CEP70: variants seen among roughly 807,000 people sequenced by gnomAD.
CEP70 encodes the protein centrosomal protein of 70 kDa.
Under a neutral mutation model 90.9 loss-of-function variants are expected in CEP70, and 70 were observed. The ratio of observed to expected loss-of-function variants is 0.77; its 90% CI spans 0.64 to 0.94. The LOEUF (loss-of-function observed/expected upper bound fraction) is 0.94. Ranked by LOEUF, CEP70 falls within the 40% of genes least tolerant of loss-of-function variation. The pLI, the probability that CEP70 is intolerant of heterozygous loss-of-function variation, is 0.00. For missense variants in CEP70, 648 were observed against 669.0 expected (o/e 0.97, Z 0.35); for synonymous variants, 220 against 228.3 (o/e 0.96, Z 0.33).
intron 7 of CEP70, among the ~76,000 whole-genome samples, chr3:138,536,675 G>T (rs1296590445): frequency 6.6e-6 from 1 of 151,188 alleles, no homozygotes; most frequent in African/African-American, 2.4e-5. Context: ...ATGATTTTCA[G>T]TAGGAAAGAC....
chr3:138,592,351 C>T (rs760026260), intron 1 of CEP70, among the ~76,000 whole-genome samples: 6 of 152,152 alleles, frequency 3.9e-5, no homozygotes, highest in Non-Finnish European at 7.3e-5. Context: ...GCACCTGTGA[C>T]CAAGCCCTCC....
chr3:138,520,751 C>T (rs866039388), intron 11 of CEP70, among the ~76,000 whole-genome samples: 2 of 152,178 alleles, frequency 1.3e-5, no homozygotes, highest in Non-Finnish European at 2.9e-5. Flanking sequence ...AAAATTGACA[C>T]CTTAACATCA....
intron 6 of CEP70, among the ~76,000 whole-genome samples, chr3:138,540,112 G>GA (rs1313744597): frequency 2.0e-5 from 3 of 152,000 alleles, no homozygotes; most frequent in African/African-American, 7.2e-5. Flanking sequence ...ATTTAGAAGA[G>GA]AAAAACAAAT....
At chr3:138,582,716 A>C (rs1049488144) in intron 2 of CEP70, among the ~76,000 whole-genome samples, 6 of 152,064 alleles carry the variant, frequency 3.9e-5, no homozygotes, top group Non-Finnish European at 7.4e-5. Flanking sequence ...GTGAGCCATA[A>C]TCATGCCACT....
At chr3:138,505,553 AT>A in intron 12 of CEP70, 88 bp from the exon 13 acceptor site, 6 of 763,150 alleles carry the variant, frequency 7.9e-6, no homozygotes, top group Non-Finnish European at 1.2e-5. Flanking sequence ...ATGTCTATAT[AT>A]ATTATATACA....
intron 6 of CEP70, among the ~76,000 whole-genome samples, chr3:138,565,577 A>G (rs1156297810): frequency 6.6e-6 from 1 of 152,240 alleles, no homozygotes; most frequent in Non-Finnish European, 1.5e-5. Context: ...TGACAAAAAC[A>G]AGAAATGGGG....
chr3:138,583,146 T>C (rs1433177916), intron 2 of CEP70, among the ~76,000 whole-genome samples: 1 of 152,190 alleles, frequency 6.6e-6, no homozygotes, highest in East Asian at 1.9e-4. Flanking sequence ...ATGAATCCAG[T>C]ATAGCAGGAG....
chr3:138,541,430 GA>G (rs36091559), intron 6 of CEP70, among the ~76,000 whole-genome samples: 10,880 of 144,500 alleles, frequency 0.075, 818 homozygotes, highest in East Asian at 0.39. Context: ...AAAAGAAAAA[GA>G]AAAAAAAAAA....
At chr3:138,592,667 G>A (rs1160747563) in intron 1 of CEP70, among the ~76,000 whole-genome samples, 1 of 151,976 alleles carries the variant, frequency 6.6e-6, no homozygotes, top group African/African-American at 2.4e-5. Context: ...TAGGTTTCCC[G>A]AGTCTTTCAG....
At chr3:138,559,485 C>A (rs1189568158) in intron 6 of CEP70, among the ~76,000 whole-genome samples, 1 of 152,226 alleles carries the variant, frequency 6.6e-6, no homozygotes, top group Non-Finnish European at 1.5e-5. Context: ...GTAATCCCTG[C>A]ACTTTGGGCA....
chr3:138,549,819 A>G (rs2039487640), intron 6 of CEP70, among the ~76,000 whole-genome samples: 1 of 152,114 alleles, frequency 6.6e-6, no homozygotes, highest in South Asian at 2.1e-4. Flanking sequence ...TTTCACTCCC[A>G]TGCCACTTCC....
chr3:138,571,354 C>G lies in CEP70; in HGVS notation c.72G>C (p.Gln24His). 6.3e-7 allele frequency: 1 copy of G among 1,597,076 alleles called. No homozygotes were observed. The highest frequency in any genetic ancestry group is 8.6e-7 in the Non-Finnish European group (1 of 1,166,954). The change falls in exon 4 of 18, where the codon CAG (glutamine) becomes CAC (histidine). Residue 24 changes from glutamine to histidine, a missense_variant and splice_region_variant. Coordinates refer to ENST00000264982, the MANE Select transcript of CEP70 (RefSeq NM_024491.4). ...PSDRLMTEKQ[Q>H]EEAEWESINV... ...TTATGCTTTCCCATTCTGCTTCTTC[C>G]TGCTACAATTACAGAAAGAGAAGAA...
chr3:138,520,076 G>C (rs1000627751), intron 11 of CEP70, among the ~76,000 whole-genome samples: 9 of 152,108 alleles, frequency 5.9e-5, no homozygotes, highest in East Asian at 1.9e-4. Flanking sequence ...AAGATCAAAA[G>C]AGACAAAGAA....
chr3:138,503,249 CATACAAGTGGAATCATATAAGTGGA>C (rs1487807029), intron 13 of CEP70, among the ~76,000 whole-genome samples: 3 of 152,268 alleles, frequency 2.0e-5, no homozygotes, highest in Admixed American at 1.3e-4. Flanking sequence ...CTAAGTATCT[CATACAAGTGGAATCATATAAGTGGA>C]ATCTTCTTGT....
chr3:138,520,904 C>T lies in CEP70; in HGVS notation c.944+4586G>A, dbSNP rs932564787. ...CCGCGATCTCGGCTCACTGCAACCT[C>T]CCTGCCTGATTCTCCTGCCTCAGCC... is the stretch of plus-strand genomic sequence containing the variant. On this transcript the variant is annotated intron_variant, in intron 11 of 17. Transcript: ENST00000264982. Among the ~76,000 whole-genome samples the T allele has an allele frequency of 2.0e-5, 3 of 152,132 alleles. No homozygotes were observed. The South Asian group carries it at 6.2e-4, about 32-fold the overall frequency.
At chr3:138,561,257 G>C (rs1182961182) in intron 6 of CEP70, among the ~76,000 whole-genome samples, 2 of 152,094 alleles carry the variant, frequency 1.3e-5, no homozygotes, top group African/African-American at 4.8e-5. Context: ...ACGGGGTCTG[G>C]AGTGGGCCTC....
chr3:138,543,244 C>T (rs1010084438), intron 6 of CEP70, among the ~76,000 whole-genome samples: 1 of 152,214 alleles, frequency 6.6e-6, no homozygotes, highest in Admixed American at 6.5e-5. Context: ...GCTGTCTGCA[C>T]TGCAGGACAC....
At chr3:138,568,994 CA>C (rs796546439) in intron 6 of CEP70, among the ~76,000 whole-genome samples, 9 of 148,838 alleles carry the variant, frequency 6.0e-5, no homozygotes, top group Admixed American at 1.3e-4. Flanking sequence ...AAAAAACAAA[CA>C]AAAAAAAAAC....
chr3:138,547,627 A>G (rs1232051604), intron 6 of CEP70, among the ~76,000 whole-genome samples: 1 of 152,212 alleles, frequency 6.6e-6, no homozygotes, highest in Non-Finnish European at 1.5e-5. Context: ...TGGCATATCC[A>G]AATTGCCAGC....
Sources: gnomAD v4.1 joint callset for allele counts (sites outside exome capture counted in the v4.1 genomes callset) on GRCh38, gnomAD v4.1.1 for gene constraint, MANE v1.5 for transcripts, NCBI Gene and HGNC (gene_info 2026-07-23, HGNC 2026-07-21) for gene names.